The following RALGPS2 variants were observed in gnomAD, a reference collection of about 807,000 sequenced individuals.
The protein encoded by RALGPS2 is ras-specific guanine nucleotide-releasing factor RalGPS2.
Under a neutral mutation model 86.8 loss-of-function variants are expected in RALGPS2, and 43 were observed. The observed-to-expected ratio is 0.50, with a 90% confidence interval of 0.39 to 0.64. The LOEUF (loss-of-function observed/expected upper bound fraction) is 0.64. Among genes scored for constraint, RALGPS2 ranks in the 30% least tolerant of loss-of-function variants. The probability of loss-of-function intolerance (pLI) is 0.00; values close to 1 mark genes in which losing one functional copy is unlikely to be tolerated. For synonymous variants in RALGPS2, 243 were observed against 231.3 expected (o/e 1.05, Z -0.46); for missense variants, 536 against 694.6 (o/e 0.77, Z 2.57).
chr1:178,844,044 A>G (rs967012922), intron 8 of RALGPS2, among the ~76,000 whole-genome samples: 3 of 152,186 alleles, frequency 2.0e-5, no homozygotes, highest in Non-Finnish European at 4.4e-5. Flanking sequence ...GAGGCTTAGT[A>G]CAGTTGACAA....
chr1:178,815,040 G>A (rs1431781859), intron 6 of RALGPS2, among the ~76,000 whole-genome samples: 1 of 151,814 alleles, frequency 6.6e-6, no homozygotes, highest in Non-Finnish European at 1.5e-5. Flanking sequence ...TTTGGTATTG[G>A]TCTTTTATTG....
chr1:178,745,043 C>T (rs1041248105), intron 1 of RALGPS2, among the ~76,000 whole-genome samples: 2 of 152,058 alleles, frequency 1.3e-5, no homozygotes, highest in Admixed American at 1.3e-4. Flanking sequence ...GTAATAAAAC[C>T]AGTACTATTG....
chr1:178,735,325 T>C (rs989490233), intron 1 of RALGPS2, among the ~76,000 whole-genome samples: 3 of 152,038 alleles, frequency 2.0e-5, no homozygotes, highest in Non-Finnish European at 4.4e-5. Context: ...TGTATGGTGA[T>C]AGAAGCATGA....
At chr1:178,729,382 A>G (rs1650208813) in intron 1 of RALGPS2, among the ~76,000 whole-genome samples, 2 of 152,262 alleles carry the variant, frequency 1.3e-5, no homozygotes, top group Admixed American at 6.5e-5. Context: ...TATTTTGTAC[A>G]CTGTTCTCTT....
intron 6 of RALGPS2, among the ~76,000 whole-genome samples, chr1:178,815,738 T>G (rs148321803): frequency 1.6e-4 from 25 of 152,242 alleles, no homozygotes; most frequent in Admixed American, 1.4e-3. Context: ...CAAAGTTCCT[T>G]CAAGCATTTT....
intron 1 of RALGPS2, among the ~76,000 whole-genome samples, chr1:178,754,635 A>C (rs1651859874): frequency 6.6e-6 from 1 of 152,350 alleles, no homozygotes. Context: ...TCAGTCTACT[A>C]ATCCAGGTTT....
chr1:178,907,660 GTTGT>G (rs1660444087), intron 19 of RALGPS2, among the ~76,000 whole-genome samples: 2 of 152,234 alleles, frequency 1.3e-5, no homozygotes, highest in African/African-American at 4.8e-5. Context: ...TGTAGAACCA[GTTGT>G]TTGTTAAATA....
intron 8 of RALGPS2, chr1:178,865,248 C>T (rs753785242): frequency 1.9e-6 from 3 of 1,614,122 alleles, no homozygotes; most frequent in Non-Finnish European, 2.5e-6. Context: ...GCGTATTTCA[C>T]CTCTAGTTCC....
At chr1:178,774,472 T>G (rs79016050) in intron 1 of RALGPS2, among the ~76,000 whole-genome samples, 5,514 of 152,366 alleles carry the variant, frequency 0.036, 121 homozygotes, top group Middle Eastern at 0.058. Context: ...GGGGCACCCC[T>G]GATTTATAAA....
chr1:178,812,557 C>T (rs1056339775), intron 6 of RALGPS2, among the ~76,000 whole-genome samples: 16 of 152,198 alleles, frequency 1.1e-4, no homozygotes, highest in African/African-American at 3.9e-4. Context: ...TATATCTGTC[C>T]GTAGGCCCTC....
intron 1 of RALGPS2, among the ~76,000 whole-genome samples, chr1:178,772,137 C>T (rs190535811): frequency 6.6e-5 from 10 of 152,344 alleles, no homozygotes; most frequent in Admixed American, 6.5e-4. Flanking sequence ...TTCCTAGGTC[C>T]ACAGTAGCAC....
chr1:178,910,475 T>G (rs1012224793), intron 19 of RALGPS2, among the ~76,000 whole-genome samples: 1 of 152,226 alleles, frequency 6.6e-6, no homozygotes, highest in Non-Finnish European at 1.5e-5. Context: ...CATGAAAGGA[T>G]GTTGAATTTT....
At chr1:178,784,180 T>C (rs925630542) in intron 2 of RALGPS2, among the ~76,000 whole-genome samples, 13 of 152,134 alleles carry the variant, frequency 8.5e-5, no homozygotes, top group Admixed American at 8.5e-4. Flanking sequence ...ATGAGGAAAC[T>C]GACACACAAG....
At chr1:178,725,960 G>C (rs1649969611) in intron 1 of RALGPS2, 1 of 152,168 alleles carries the variant, frequency 6.6e-6, no homozygotes, top group Non-Finnish European at 1.5e-5. Context: ...ACCTGTTGCA[G>C]AGCGGCCCGC....
At chr1:178,860,602 C>T (rs1242391172) in intron 8 of RALGPS2, among the ~76,000 whole-genome samples, 1 of 152,192 alleles carries the variant, frequency 6.6e-6, no homozygotes, top group Non-Finnish European at 1.5e-5. Flanking sequence ...TCCCCATTCA[C>T]CCTCCGCCTA....
chr1:178,852,491 A>C (rs1657239228), intron 8 of RALGPS2, among the ~76,000 whole-genome samples: 1 of 152,132 alleles, frequency 6.6e-6, no homozygotes, highest in Non-Finnish European at 1.5e-5. Context: ...TTTTTCACAT[A>C]GATCACACTT....
At position 178,725,264 on chromosome 1, in the gene RALGPS2, AGCGGCGGCGGCG is replaced by A. The variant is rs761548068; in HGVS notation, c.-230_-219del. On this transcript the variant is annotated 5_prime_UTR_variant, in exon 1 of 20. Transcript: ENST00000367635. ...AGCTCACTCTCCTCCCCCGAGCGGC[AGCGGCGGCGGCG>A]GCGGCGGCTGCTGCGGGCGCTGAAT... 1 of 37,206 alleles carries A rather than the reference AGCGGCGGCGGCG, an allele frequency of 2.7e-5. No homozygotes were observed. Among genetic ancestry groups the A allele is most frequent in the African/African-American group, 8.3e-5 (1 of 12,114 alleles). 2.3% of individuals were successfully genotyped at this position (37,206 alleles called of 1,614,324 possible).
chr1:178,894,056 CCT>C, intron 16 of RALGPS2, 32 bp downstream of exon 16: 1 of 1,299,736 alleles, frequency 7.7e-7, no homozygotes, highest in South Asian at 1.3e-5. Flanking sequence ...TTTTAATACA[CCT>C]CTAAAAATAT....
chr1:178,798,258 A>G (rs1229703584), intron 4 of RALGPS2, among the ~76,000 whole-genome samples: 1 of 152,188 alleles, frequency 6.6e-6, no homozygotes, highest in Non-Finnish European at 1.5e-5. Context: ...TGTAGTGCAT[A>G]CCATTCTATT....
Sources: gnomAD v4.1 joint callset for allele counts (sites outside exome capture counted in the v4.1 genomes callset) on GRCh38, gnomAD v4.1.1 for gene constraint, MANE v1.5 for transcripts, NCBI Gene and HGNC (gene_info 2026-07-23, HGNC 2026-07-21) for gene names.